The following TRAPPC12 variants were observed in gnomAD, a reference collection of about 807,000 sequenced individuals.
TRAPPC12 encodes TPR repeat protein 15.
A neutral mutation model predicts 69.2 loss-of-function variants in TRAPPC12; 61 were observed. The observed-to-expected ratio is 0.88, with a 90% CI of 0.72 to 1.09. The LOEUF (loss-of-function observed/expected upper bound fraction) is 1.09, where lower values mean the gene tolerates loss of function less well. Ranked by LOEUF, TRAPPC12 falls within the 50% of genes least tolerant of loss-of-function variation. TRAPPC12 has a pLI of 0.00. For synonymous variants in TRAPPC12, 469 were observed against 438.9 expected (o/e 1.07, Z -0.86); for missense variants, 1,101 against 1,016.4 (o/e 1.08, Z -1.13).
intron 8 of TRAPPC12, among the ~76,000 whole-genome samples, chr2:3,464,510 C>CT (rs113444280): frequency 0.037 from 5,584 of 152,270 alleles, 353 homozygotes; most frequent in African/African-American, 0.12. Flanking sequence ...ATAAAAGTAC[C>CT]TCTGGGATTA....
intron 9 of TRAPPC12, chr2:3,466,226 C>T (rs1405570593): frequency 2.1e-6 from 1 of 470,014 alleles, no homozygotes; most frequent in South Asian, 1.5e-5. Flanking sequence ...GAGTCCCGCC[C>T]ACATCCCTGT....
At chr2:3,421,574 G>T in intron 3 of TRAPPC12, 1 of 587,862 alleles carries the variant, frequency 1.7e-6, no homozygotes, top group African/African-American at 1.8e-5. Flanking sequence ...AGAGATGTGC[G>T]GAGCTTTCCA....
intron 3 of TRAPPC12, among the ~76,000 whole-genome samples, chr2:3,413,086 T>G (rs2103494439): frequency 6.6e-6 from 1 of 152,366 alleles, no homozygotes; most frequent in South Asian, 2.1e-4. Context: ...TCCGGGTTAC[T>G]GGTAGAACTT....
intron 9 of TRAPPC12, among the ~76,000 whole-genome samples, chr2:3,469,754 A>G (rs923151750): frequency 1.3e-5 from 2 of 151,250 alleles, no homozygotes; most frequent in African/African-American, 4.8e-5. Flanking sequence ...CAAGAGTAGG[A>G]ATGTAGGCCT....
In TRAPPC12 at chr2:3,462,242, G is replaced by A. The variant is rs544149955; in HGVS notation, c.1677+1906G>A. Among the ~76,000 whole-genome samples, 207 of 152,342 alleles carry A rather than the reference G, an allele frequency of 1.4e-3. 1 individual carries two copies. The highest frequency in any genetic ancestry group is 2.9e-3 in the South Asian group (14 of 4,830). Reference sequence around the variant, plus strand: ...GGTAGTAACACCACCACCAGGCTCCGAATGTGAGTCTTCTTCCTGTATTGC... The same window carrying A: ...GGTAGTAACACCACCACCAGGCTCCAAATGTGAGTCTTCTTCCTGTATTGC... On this transcript the variant is annotated intron_variant, in intron 8 of 11. Coordinates refer to ENST00000324266, the MANE Select transcript of TRAPPC12 (RefSeq NM_016030.6).
At chr2:3,456,934 A>G in intron 6 of TRAPPC12, 2 of 353,370 alleles carry the variant, frequency 5.7e-6, no homozygotes, top group South Asian at 4.2e-5. Context: ...TTCCCCATGT[A>G]TGATGTCTGC....
chr2:3,392,735 G>A (rs532086968), intron 2 of TRAPPC12, among the ~76,000 whole-genome samples: 39 of 152,308 alleles, frequency 2.6e-4, no homozygotes, highest in African/African-American at 8.9e-4. Flanking sequence ...ACTGTTGGTG[G>A]GAATGTAAAT....
chr2:3,445,667 G>C (rs1334371518), intron 6 of TRAPPC12, among the ~76,000 whole-genome samples: 1 of 152,236 alleles, frequency 6.6e-6, no homozygotes, highest in Non-Finnish European at 1.5e-5. Flanking sequence ...AGATAGGTTA[G>C]GTAACTTAGG....
At chr2:3,402,496 G>A (rs1441345952) in intron 3 of TRAPPC12, among the ~76,000 whole-genome samples, 1 of 152,198 alleles carries the variant, frequency 6.6e-6, no homozygotes, top group African/African-American at 2.4e-5. Flanking sequence ...GGCTGAGGCA[G>A]GAGAATCGCT....
At chr2:3,403,261 T>G (rs990271975) in intron 3 of TRAPPC12, among the ~76,000 whole-genome samples, 1 of 136,968 alleles carries the variant, frequency 7.3e-6, no homozygotes, top group African/African-American at 3.0e-5. Context: ...AGATGGAGTT[T>G]CACTCTTGTT....
intron 3 of TRAPPC12, among the ~76,000 whole-genome samples, chr2:3,418,941 C>T (rs1662608218): frequency 6.6e-6 from 1 of 152,168 alleles, no homozygotes; most frequent in Admixed American, 6.5e-5. Flanking sequence ...TCCCCAGCCT[C>T]TCCTCATCCA....
intron 2 of TRAPPC12, among the ~76,000 whole-genome samples, chr2:3,401,020 CCGTCTA>C (rs1661414224): frequency 6.6e-6 from 1 of 152,228 alleles, no homozygotes; most frequent in South Asian, 2.1e-4. Context: ...TTCTTCAGCA[CCGTCTA>C]AAGATCGTTC....
At chr2:3,421,853 T>C (rs1662808847) in intron 3 of TRAPPC12, 28 bp from the exon 4 acceptor site, 1 of 1,593,914 alleles carries the variant, frequency 6.3e-7, no homozygotes, top group African/African-American at 1.3e-5. Flanking sequence ...CATGTGTGTT[T>C]GGTCACATGT....
intron 8 of TRAPPC12, chr2:3,463,217 T>C: frequency 3.4e-6 from 1 of 293,300 alleles, no homozygotes. Flanking sequence ...ACCGTCAACC[T>C]AAGGAAACTT....
chr2:3,477,603 C>T (rs1208587000), intron 9 of TRAPPC12, 92 bp from the exon 10 acceptor site: 2 of 655,386 alleles, frequency 3.1e-6, no homozygotes, highest in African/African-American at 3.7e-5. Flanking sequence ...TAAATGTCTT[C>T]ATATTCTAAC....
chr2:3,467,457 T>G (rs151271702), intron 9 of TRAPPC12: 1 of 152,322 alleles, frequency 6.6e-6, no homozygotes, highest in African/African-American at 2.4e-5. Flanking sequence ...ACCTAGCTAT[T>G]TGGGATATCT....
At chr2:3,456,951 T>C in intron 6 of TRAPPC12, 1 of 378,802 alleles carries the variant, frequency 2.6e-6, no homozygotes, top group South Asian at 2.0e-5. Context: ...CTGCAGATAC[T>C]TCAAGAACAT....
Position 3,414,537 on chromosome 2 carries a change from CT to C in TRAPPC12, c.1165-7343del, listed in dbSNP as rs1348712201. Among the ~76,000 whole-genome samples the C allele has an allele frequency of 6.6e-6, 1 of 152,006 alleles. No homozygotes were observed. Among genetic ancestry groups the C allele is most frequent in the Admixed American group, 6.6e-5 (1 of 15,262 alleles). ...GCTCAGCCTCACCCCCACCATCCCC[CT>C]GACCCCATCCCCCAGCTGTCCCCGC... is the stretch of plus-strand genomic sequence containing the variant. On this transcript the variant is annotated intron_variant, in intron 3 of 11. Transcript: ENST00000324266. The surrounding 1 kb of genome is among the most constrained non-coding windows in gnomAD (Gnocchi z 4.9).
Position 3,479,323 on chromosome 2 carries a change from C to G in TRAPPC12, c.2070C>G (p.His690Gln). 1 of 1,614,198 alleles carries G rather than the reference C, an allele frequency of 6.2e-7. No individual in the cohort carries two copies. Among genetic ancestry groups the G allele is most frequent in the Non-Finnish European group, 8.5e-7 (1 of 1,180,048 alleles). The part of the protein sequence containing the change: ...MVQQDPRHYL[H>Q]ESVLFNLTTM... ...AGCAGGACCCCAGGCACTACCTGCACGAGAGCGTGCTCTTCAACCTGACCA... is the reference window on the plus strand; with the variant it reads ...AGCAGGACCCCAGGCACTACCTGCAGGAGAGCGTGCTCTTCAACCTGACCA... The change falls in exon 12 of 12, where the codon CAC (histidine) becomes CAG (glutamine). Residue 690 changes from histidine (H) to glutamine (Q), a missense_variant. By Grantham distance (24) the His-to-Gln change is conservative (BLOSUM62 0). Coordinates refer to ENST00000324266, the MANE Select transcript of TRAPPC12 (RefSeq NM_016030.6).
Sources: gnomAD v4.1 joint callset for allele counts (sites outside exome capture counted in the v4.1 genomes callset) on GRCh38, gnomAD v4.1.1 for gene constraint, Gnocchi (gnomAD v3.1) non-coding constraint, MANE v1.5 for transcripts, NCBI Gene and HGNC (gene_info 2026-07-23, HGNC 2026-07-21) for gene names.